CACHD1: variants seen among roughly 807,000 people sequenced by gnomAD.
CACHD1 encodes cache domain containing 1.
In CACHD1, 71 loss-of-function variants were observed where a neutral mutation model predicts 138.7. The ratio of observed to expected loss-of-function variants is 0.51; its 90% CI spans 0.42 to 0.62. CACHD1 has a LOEUF of 0.62. Ranked by LOEUF, CACHD1 falls within the 20% of genes least tolerant of loss-of-function variation. The pLI, the probability that CACHD1 is intolerant of heterozygous loss-of-function variation, is 0.00. For missense variants in CACHD1, 1,389 were observed against 1,625.3 expected (o/e 0.85, Z 2.50); for synonymous variants, 578 against 591.5 (o/e 0.98, Z 0.33).
chr1:64,672,392 T>C (rs578108183), intron 17 of CACHD1, among the ~76,000 whole-genome samples: 3 of 152,356 alleles, frequency 2.0e-5, no homozygotes, highest in Admixed American at 1.3e-4. Flanking sequence ...AGTCCCCCTC[T>C]TATCTTTGGT....
chr1:64,555,176 ACAGGGT>A (rs1015985560), intron 2 of CACHD1, among the ~76,000 whole-genome samples: 67 of 152,040 alleles, frequency 4.4e-4, no homozygotes, highest in African/African-American at 1.5e-3. Context: ...TTTTGTGGAG[ACAGGGT>A]TTCTCCACGT....
rs563082867 is a variant in CACHD1 at position 64,664,167 on chromosome 1, C to T, written c.2094+330C>T. 5.0e-4 allele frequency: 222 copies of T among 443,396 alleles called. 1 individual carries two copies. Among genetic ancestry groups the T allele is most frequent in the African/African-American group, 4.0e-3 (201 of 50,886 alleles). 27.5% of individuals were successfully genotyped at this position (443,396 alleles called of 1,614,324 possible). A position where few individuals can be genotyped will look rare whatever the true frequency, so the allele number is the denominator to read the frequency against. ...GAAGTAAAGTGCCCCTGCTGTCTCTCGAGATAAATATAAGTATAAAGTTTA... is the reference window on the plus strand; with the variant it reads ...GAAGTAAAGTGCCCCTGCTGTCTCTTGAGATAAATATAAGTATAAAGTTTA... On this transcript the variant is annotated intron_variant, in intron 14 of 26. Coordinates refer to ENST00000651257, the MANE Select transcript of CACHD1 (RefSeq NM_020925.4).
rs115735741 is a variant in CACHD1, at chr1:64,672,238, C to T, written c.2510+552C>T. 5.9e-3 allele frequency among the ~76,000 whole-genome samples: 894 copies of T among 152,252 alleles called. 7 individuals are homozygous for T. Among genetic ancestry groups the T allele is most frequent in the African/African-American group, 0.021 (862 of 41,554 alleles). ...TAGTTCCACCTCATGGTTCATGCTT[C>T]GTGTCATTGGCCCTTATGGGGAAAT... On this transcript the variant is annotated intron_variant, in intron 17 of 26. Transcript: ENST00000651257.
chr1:64,478,089 A>G (rs1024648474), intron 1 of CACHD1, among the ~76,000 whole-genome samples: 1 of 152,250 alleles, frequency 6.6e-6, no homozygotes, highest in Non-Finnish European at 1.5e-5. Flanking sequence ...ACAAATAAAT[A>G]TAAATATTTT....
At chr1:64,477,605 TATTATTATTATTATTATTATTTTATTTTA>T (rs1557454982) in intron 1 of CACHD1, among the ~76,000 whole-genome samples, 2 of 145,658 alleles carry the variant, frequency 1.4e-5, no homozygotes, top group African/African-American at 5.1e-5. Flanking sequence ...TTATTATTAT[TATTATTATTATTATTATTATTTTATTTTA>T]TTTTTTTTTT....
chr1:64,633,230 T>C (rs1014741174), intron 6 of CACHD1, among the ~76,000 whole-genome samples: 1 of 152,224 alleles, frequency 6.6e-6, no homozygotes, highest in South Asian at 2.1e-4. Flanking sequence ...AACCATTGTA[T>C]GTCAGGGACC....
intron 4 of CACHD1, among the ~76,000 whole-genome samples, chr1:64,604,385 T>C (rs1647276322): frequency 6.6e-6 from 1 of 152,018 alleles, no homozygotes; most frequent in South Asian, 2.1e-4. Flanking sequence ...CAAAAGAGGG[T>C]AGACAAGGGC....
chr1:64,530,935 T>TTC (rs1432988491), intron 1 of CACHD1, among the ~76,000 whole-genome samples: 1 of 147,518 alleles, frequency 6.8e-6, no homozygotes, highest in East Asian at 1.9e-4. Flanking sequence ...TTTTTTTTGT[T>TTC]TTTTTTTTTT....
intron 1 of CACHD1, among the ~76,000 whole-genome samples, chr1:64,493,529 C>G (rs1432924585): frequency 2.6e-5 from 4 of 152,212 alleles, no homozygotes; most frequent in Non-Finnish European, 4.4e-5. Context: ...TATTATGCCT[C>G]TCTTCTTACA....
intron 8 of CACHD1, among the ~76,000 whole-genome samples, chr1:64,645,792 G>C (rs146815358): frequency 8.3e-4 from 127 of 152,304 alleles, no homozygotes; most frequent in African/African-American, 2.9e-3. Flanking sequence ...AGCTGGGAAA[G>C]GGAGCTGAAC....
At chr1:64,576,118 A>G (rs1051496165) in intron 2 of CACHD1, among the ~76,000 whole-genome samples, 2 of 152,198 alleles carry the variant, frequency 1.3e-5, no homozygotes, top group East Asian at 1.9e-4. Flanking sequence ...AGATGGTTTT[A>G]GTCCTGTTGT....
At chr1:64,479,908 T>C (rs1353470323) in intron 1 of CACHD1, among the ~76,000 whole-genome samples, 8 of 152,186 alleles carry the variant, frequency 5.3e-5, no homozygotes, top group Non-Finnish European at 7.3e-5. Flanking sequence ...GAAACAAAAA[T>C]CTGGAGAAAG....
chr1:64,617,624 A>T (rs749294970), intron 4 of CACHD1, among the ~76,000 whole-genome samples: 3 of 152,208 alleles, frequency 2.0e-5, no homozygotes, highest in Non-Finnish European at 4.4e-5. Flanking sequence ...GCCCCAAGGA[A>T]CAGGCTTGGT....
rs772321484 is a variant in CACHD1 at position 64,675,935 on chromosome 1, C to T, written c.2927C>T (p.Pro976Leu). ...GAATGTGAATGTCCTTGTGAGTGCC[C>T]TCTAGAGGTCAATGAGTGCACTGGC... ...QNECECPCECPLEVNECTGNL... is the reference protein window; with the variant it reads ...QNECECPCECLLEVNECTGNL... Residue 976 changes from proline to leucine, a missense_variant, in exon 21 of 27, where the codon CCT becomes CTT. Coordinates refer to ENST00000651257, the MANE Select transcript of CACHD1 (RefSeq NM_020925.4). 6.5e-7 allele frequency: 1 copy of T among 1,528,034 alleles called. No individual in the cohort carries two copies. Among genetic ancestry groups the T allele is most frequent in the Non-Finnish European group, 8.8e-7 (1 of 1,134,998 alleles). 94.7% of individuals were successfully genotyped at this position (1,528,034 alleles called of 1,614,324 possible).
intron 1 of CACHD1, among the ~76,000 whole-genome samples, chr1:64,485,727 TG>T (rs1646238091): frequency 6.6e-6 from 1 of 152,082 alleles, no homozygotes; most frequent in South Asian, 2.1e-4. Context: ...ACCACAGACA[TG>T]CACCATCATG....
chr1:64,690,654 T>G (rs1447364360), intron 26 of CACHD1, among the ~76,000 whole-genome samples: 2 of 152,228 alleles, frequency 1.3e-5, no homozygotes, highest in Admixed American at 1.3e-4. Flanking sequence ...ACTAGAACTT[T>G]GGGCAAATTC....
intron 2 of CACHD1, among the ~76,000 whole-genome samples, chr1:64,574,281 A>G (rs188078108): frequency 1.4e-4 from 21 of 152,318 alleles, no homozygotes; most frequent in Admixed American, 5.9e-4. Context: ...GACAGAGAGA[A>G]TATCTGCTCC....
chr1:64,606,909 C>A (rs1647359476), intron 4 of CACHD1, among the ~76,000 whole-genome samples: 1 of 152,018 alleles, frequency 6.6e-6, no homozygotes, highest in Non-Finnish European at 1.5e-5. Flanking sequence ...ACAGAGTTGT[C>A]ATTTATTGTG....
intron 2 of CACHD1, among the ~76,000 whole-genome samples, chr1:64,562,644 A>T (rs2100488845): frequency 6.7e-6 from 1 of 149,764 alleles, no homozygotes; most frequent in Non-Finnish European, 1.5e-5. Context: ...GATGGTGTCG[A>T]TCTCCTGACC....
Sources: gnomAD v4.1 joint callset for allele counts (sites outside exome capture counted in the v4.1 genomes callset) on GRCh38, gnomAD v4.1.1 for gene constraint, MANE v1.5 for transcripts, NCBI Gene and HGNC (gene_info 2026-07-23, HGNC 2026-07-21) for gene names.